HECW1: variants seen among roughly 807,000 people sequenced by gnomAD.
HECW1 encodes the protein HECT, C2 and WW domain containing E3 ubiquitin protein ligase 1.
HECW1 carries 61 observed loss-of-function variants against 182.3 expected under a neutral mutation model. That is an observed-to-expected ratio of 0.33 (90% CI 0.27 to 0.41). The LOEUF is 0.41. HECW1 is among the 10% of genes least tolerant of loss of function. The pLI, the probability that HECW1 is intolerant of heterozygous loss-of-function variation, is 1.00. For synonymous variants in HECW1, 859 were observed against 832.6 expected, an observed-to-expected ratio of 1.03 and a Z score of -0.55; for missense variants, 1,739 against 2,108.9, an observed-to-expected ratio of 0.82 and a Z score of 3.44.
At chr7:43,467,650 T>C (rs2077838641) in intron 15 of HECW1, among the ~76,000 whole-genome samples, 1 of 151,918 alleles carries the variant, frequency 6.6e-6, no homozygotes. Context: ...GAGTGAGAGA[T>C]GATCTGGCTC....
At chr7:43,232,266 A>C (rs547501079) in intron 2 of HECW1, among the ~76,000 whole-genome samples, 1 of 152,332 alleles carries the variant, frequency 6.6e-6, no homozygotes, top group East Asian at 1.9e-4. Context: ...CCCGTCCTCC[A>C]CTGGTGAACT....
At chr7:43,308,460 G>T (rs1163780029) in intron 3 of HECW1, among the ~76,000 whole-genome samples, 5 of 148,044 alleles carry the variant, frequency 3.4e-5, no homozygotes, top group African/African-American at 1.2e-4. Flanking sequence ...ATAAAGCTGG[G>T]AAATTAAAAA....
intron 21 of HECW1, among the ~76,000 whole-genome samples, chr7:43,504,683 T>C (rs986028517): frequency 5.9e-5 from 9 of 152,132 alleles, no homozygotes; most frequent in Non-Finnish European, 1.3e-4. Flanking sequence ...CAAAGGAAAA[T>C]TCTAGCACAT....
chr7:43,473,101 CTTA>C (rs1051888181), intron 16 of HECW1, among the ~76,000 whole-genome samples: 7 of 152,130 alleles, frequency 4.6e-5, no homozygotes, highest in African/African-American at 1.7e-4. Flanking sequence ...GAGTTCTCAC[CTTA>C]TTAGTTCCCT....
chr7:43,204,525 T>C (rs556325774), intron 2 of HECW1, among the ~76,000 whole-genome samples: 6 of 152,218 alleles, frequency 3.9e-5, no homozygotes, highest in Non-Finnish European at 8.8e-5. Context: ...GGTGGCCAAT[T>C]ATACAAGACA....
chr7:43,560,645 T>C (rs931649216), intron 29 of HECW1, among the ~76,000 whole-genome samples: 1 of 152,172 alleles, frequency 6.6e-6, no homozygotes, highest in Non-Finnish European at 1.5e-5. Flanking sequence ...GAGTGCTGCA[T>C]CAGCCTGGGC....
chr7:43,463,637 T>C, intron 13 of HECW1, 23 bp from the exon 14 acceptor site: 2 of 1,606,660 alleles, frequency 1.2e-6, no homozygotes, highest in South Asian at 2.2e-5. Context: ...TTAACTCCTG[T>C]CTTTCCATTT....
chr7:43,276,501 C>T (rs777515941), intron 3 of HECW1, among the ~76,000 whole-genome samples: 3 of 151,938 alleles, frequency 2.0e-5, no homozygotes, highest in Middle Eastern at 6.8e-3. Flanking sequence ...GGTAGAAATT[C>T]ACATTACAAT....
chr7:43,274,621 C>G, intron 3 of HECW1: 1 of 380,468 alleles, frequency 2.6e-6, no homozygotes, highest in South Asian at 2.2e-5. Flanking sequence ...CAAATAAACT[C>G]AGGAACGCCC....
chr7:43,388,371 G>C (rs1027560448), intron 6 of HECW1, among the ~76,000 whole-genome samples: 1 of 152,222 alleles, frequency 6.6e-6, no homozygotes, highest in Non-Finnish European at 1.5e-5. Context: ...CTTCCAGGGA[G>C]CCAGGTCATT....
At chr7:43,342,629 C>G (rs1813137171) in intron 5 of HECW1, among the ~76,000 whole-genome samples, 1 of 151,566 alleles carries the variant, frequency 6.6e-6, no homozygotes, top group South Asian at 2.1e-4. Context: ...GTAATTATAG[C>G]TTTTTTGGTT....
At chr7:43,122,548 CCTCT>C (rs1191409179) in intron 2 of HECW1, among the ~76,000 whole-genome samples, 4 of 152,116 alleles carry the variant, frequency 2.6e-5, no homozygotes, top group African/African-American at 9.7e-5. Flanking sequence ...TTTGATGAGA[CCTCT>C]CTCATAAGAA....
At chr7:43,396,720 G>A in intron 6 of HECW1, 94 bp from the exon 7 acceptor site, 1 of 839,184 alleles carries the variant, frequency 1.2e-6, no homozygotes, top group Non-Finnish European at 2.0e-6. Flanking sequence ...CCTGTAGCTG[G>A]TAAAATCACT....
chr7:43,281,015 A>G (rs1167760340), intron 3 of HECW1, among the ~76,000 whole-genome samples: 1 of 152,114 alleles, frequency 6.6e-6, no homozygotes, highest in Non-Finnish European at 1.5e-5. Context: ...GAAAATTGGC[A>G]TTTAAGATTT....
At chr7:43,373,061 TATA>T (rs1261156972) in intron 6 of HECW1, among the ~76,000 whole-genome samples, 3 of 152,262 alleles carry the variant, frequency 2.0e-5, no homozygotes, top group Middle Eastern at 6.8e-3. Flanking sequence ...TTCTGATGAT[TATA>T]ATGTCATTAA....
intron 5 of HECW1, among the ~76,000 whole-genome samples, chr7:43,334,036 T>C (rs1811817889): frequency 6.6e-6 from 1 of 152,176 alleles, no homozygotes; most frequent in Non-Finnish European, 1.5e-5. Context: ...TCCACTTTAT[T>C]CCTACGTTAT....
At chr7:43,520,574 T>C (rs1238215527) in intron 24 of HECW1, among the ~76,000 whole-genome samples, 1 of 152,216 alleles carries the variant, frequency 6.6e-6, no homozygotes, top group African/African-American at 2.4e-5. Flanking sequence ...TTCTTCATGA[T>C]TTCCTGCACC....
chr7:43,284,982 T>C (rs1804428768), intron 3 of HECW1, among the ~76,000 whole-genome samples: 1 of 146,010 alleles, frequency 6.8e-6, no homozygotes, highest in Non-Finnish European at 1.5e-5. Flanking sequence ...TTCACATTTA[T>C]GTGCTTTCTG....
At chr7:43,374,773 C>CAAAAAAAAAAA (rs66910107) in intron 6 of HECW1, among the ~76,000 whole-genome samples, 2 of 14,496 alleles carry the variant, frequency 1.4e-4, no homozygotes, top group Non-Finnish European at 1.8e-4. Context: ...GACTCCGTCT[C>CAAAAAAAAAAA]AAAAAAAAAA....
Sources: allele counts gnomAD v4.1 joint callset (sites outside exome capture counted in the v4.1 genomes callset), GRCh38; gene constraint gnomAD v4.1.1; transcripts MANE v1.5; gene names NCBI Gene and HGNC (gene_info 2026-07-23, HGNC 2026-07-21).